Variants in OR9Q1 observed in about 807,000 individuals in gnomAD.
The protein encoded by OR9Q1 is olfactory receptor family 9 subfamily Q member 1.
For synonymous variants in OR9Q1, 153 were observed against 148.6 expected (o/e 1.03, Z -0.22); for missense variants, 374 against 378.8 (o/e 0.99, Z 0.11).
intron 1 of OR9Q1, chr11:58,040,584 T>C (rs2119938457): frequency 6.6e-6 from 1 of 152,380 alleles, no homozygotes; most frequent in Non-Finnish European, 1.5e-5. Context: ...GACCAGATGC[T>C]TCTATCAAGG....
intron 2 of OR9Q1, among the ~76,000 whole-genome samples, chr11:58,139,932 C>CACAATGGT (rs1554970601): frequency 2.0e-3 from 302 of 148,126 alleles, no homozygotes; most frequent in South Asian, 4.8e-3. Context: ...TCTCCACATC[C>CACAATGGT]TCTCCAGCAC....
At position 58,180,837 on chromosome 11, in the gene OR9Q1, T is replaced by G. The variant is rs1854658552; in HGVS notation, c.*460T>G. The G allele has an allele frequency of 6.0e-6, 1 of 168,060 alleles. No homozygotes were observed. Among genetic ancestry groups the G allele is most frequent in the Admixed American group, 6.5e-5 (1 of 15,390 alleles). The allele number at this position is 168,060 out of a possible 1,614,324, so 10.4% of individuals were successfully genotyped here. A position where few individuals can be genotyped will look rare whatever the true frequency, so the allele number is the denominator to read the frequency against. ...ATCCGTGAGTTTATTCATCAATCAA[T>G]TCACTCATCAAACCACCTTTTTTTG... On this transcript the variant is annotated 3_prime_UTR_variant, in exon 3 of 3. Transcript: ENST00000335397.
Position 58,155,268 on chromosome 11 carries a change from T to C in OR9Q1, c.-14-24163T>C, listed in dbSNP as rs571387297. ...TACGGGATGAGGCAGACCCACATTATAAAGAGTACTCTGCTTTACTCAAAG... is the reference window on the plus strand; with the variant it reads ...TACGGGATGAGGCAGACCCACATTACAAAGAGTACTCTGCTTTACTCAAAG... On this transcript the variant is annotated intron_variant, in intron 2 of 2. Transcript: ENST00000335397. 2.4e-3 allele frequency among the ~76,000 whole-genome samples: 368 copies of C among 152,306 alleles called. 1 individual carries two copies. The highest frequency in any genetic ancestry group is 4.1e-3 in the Non-Finnish European group (278 of 68,022).
intron 2 of OR9Q1, among the ~76,000 whole-genome samples, chr11:58,112,546 CTT>C (rs1364560001): frequency 1.3e-5 from 2 of 152,080 alleles, no homozygotes; most frequent in African/African-American, 4.8e-5. Context: ...ACTTGCATAA[CTT>C]TGTTTATGCA....
At position 58,179,705 on chromosome 11, in the gene OR9Q1, G is replaced by T. The variant is rs1201040540; in HGVS notation, c.261G>T (p.Glu87Asp). 6.2e-7 allele frequency: 1 copy of T among 1,614,180 alleles called. No homozygotes were observed. Among genetic ancestry groups the T allele is most frequent in the South Asian group, 1.1e-5 (1 of 91,078 alleles). ...TVPQMLAVLL[E>D]HGAALSYTRC... Reference sequence around the variant, plus strand: ...CCCAGATGCTGGCAGTGCTGCTGGAGCATGGGGCAGCTTTATCTTACACAC... The same window carrying T: ...CCCAGATGCTGGCAGTGCTGCTGGATCATGGGGCAGCTTTATCTTACACAC... Residue 87 changes from glutamate (E) to aspartate (D), a missense_variant, in exon 3 of 3, where the codon GAG (glutamate) becomes GAT (aspartate). By Grantham distance (45) the Glu-to-Asp change is conservative (BLOSUM62 2). Coordinates refer to ENST00000335397, the MANE Select transcript of OR9Q1 (RefSeq NM_001005212.4).
chr11:58,137,196 C>A (rs1854197512), intron 2 of OR9Q1, among the ~76,000 whole-genome samples: 1 of 151,988 alleles, frequency 6.6e-6, no homozygotes, highest in Admixed American at 6.6e-5. Flanking sequence ...TAACATGTAG[C>A]AAGATAAAAT....
At chr11:58,173,179 A>C (rs1854571161) in intron 2 of OR9Q1, among the ~76,000 whole-genome samples, 1 of 151,792 alleles carries the variant, frequency 6.6e-6, no homozygotes, top group Non-Finnish European at 1.5e-5. Context: ...GTACATGTGC[A>C]CTATGTGCAG....
intron 1 of OR9Q1, among the ~76,000 whole-genome samples, chr11:58,028,559 G>C (rs1852997756): frequency 6.6e-6 from 1 of 152,142 alleles, no homozygotes; most frequent in Admixed American, 6.5e-5. Flanking sequence ...AACACCGTAA[G>C]TCAAGTCAAA....
chr11:58,054,549 C>T (rs181380199), intron 1 of OR9Q1, among the ~76,000 whole-genome samples: 1 of 152,218 alleles, frequency 6.6e-6, no homozygotes, highest in East Asian at 1.9e-4. Flanking sequence ...TTTCTGTATC[C>T]CTCATTACTC....
chr11:58,173,501 G>A (rs1486132788), intron 2 of OR9Q1, among the ~76,000 whole-genome samples: 3 of 151,406 alleles, frequency 2.0e-5, no homozygotes, highest in East Asian at 1.9e-4. Context: ...ATTCCATGGT[G>A]TATATGTGCC....
chr11:58,099,970 C>T (rs1853767913), intron 2 of OR9Q1, among the ~76,000 whole-genome samples: 1 of 152,168 alleles, frequency 6.6e-6, no homozygotes, highest in Non-Finnish European at 1.5e-5. Context: ...TAAAATGACA[C>T]ACACTTATTG....
chr11:58,160,463 TTG>T (rs1223795722), intron 2 of OR9Q1, among the ~76,000 whole-genome samples: 1 of 151,936 alleles, frequency 6.6e-6, no homozygotes, highest in Non-Finnish European at 1.5e-5. Flanking sequence ...GTTGTTGTTG[TTG>T]TTGTTGTTGT....
intron 2 of OR9Q1, among the ~76,000 whole-genome samples, chr11:58,065,379 A>G (rs1169706228): frequency 5.7e-5 from 1 of 17,660 alleles, no homozygotes; most frequent in Non-Finnish European, 1.8e-4. Context: ...CACACAGCAC[A>G]TGCCTTTGAC....
intron 2 of OR9Q1, among the ~76,000 whole-genome samples, chr11:58,105,143 T>G (rs1218209126): frequency 6.6e-6 from 1 of 152,140 alleles, no homozygotes; most frequent in Non-Finnish European, 1.5e-5. Context: ...CCACTTTTAT[T>G]ATAAATTCTA....
intron 2 of OR9Q1, among the ~76,000 whole-genome samples, chr11:58,113,052 A>G (rs1398777666): frequency 6.6e-6 from 1 of 152,124 alleles, no homozygotes. Flanking sequence ...CCTCAGCCTC[A>G]GCTCTGGAAG....
At chr11:58,056,771 C>T (rs111472191) in intron 2 of OR9Q1, among the ~76,000 whole-genome samples, 287 of 152,186 alleles carry the variant, frequency 1.9e-3, no homozygotes, top group Non-Finnish European at 3.4e-3. Flanking sequence ...ATGCTTCACA[C>T]TAATATATTA....
intron 1 of OR9Q1, among the ~76,000 whole-genome samples, chr11:58,035,521 A>G (rs1463305501): frequency 6.6e-6 from 1 of 152,210 alleles, no homozygotes; most frequent in Non-Finnish European, 1.5e-5. Context: ...ACATGTAGGT[A>G]GATGCACTTA....
chr11:58,118,676 AG>A, intron 2 of OR9Q1: 6 of 1,614,040 alleles, frequency 3.7e-6, no homozygotes, highest in Non-Finnish European at 5.1e-6. Flanking sequence ...AGATACATGA[AG>A]ATAAGGGCTC....
At chr11:58,149,587 A>T (rs755493855) in intron 2 of OR9Q1, among the ~76,000 whole-genome samples, 1 of 152,034 alleles carries the variant, frequency 6.6e-6, no homozygotes, top group Non-Finnish European at 1.5e-5. Context: ...ATCATCCCAA[A>T]CTGAAACTCT....
Sources: gnomAD v4.1 joint callset for allele counts (sites outside exome capture counted in the v4.1 genomes callset) on GRCh38, gnomAD v4.1.1 for gene constraint, MANE v1.5 for transcripts, NCBI Gene and HGNC (gene_info 2026-07-23, HGNC 2026-07-21) for gene names.